Variants in RAPGEF4 observed in about 807,000 individuals in gnomAD.
RAPGEF4 encodes the protein Rap guanine nucleotide exchange factor 4.
A neutral mutation model predicts 147.9 loss-of-function variants in RAPGEF4; 66 were observed. That is an observed-to-expected ratio of 0.45 (90% CI 0.37 to 0.55). RAPGEF4 has a LOEUF of 0.55. Among genes scored for constraint, RAPGEF4 ranks in the 20% least tolerant of loss-of-function variants. RAPGEF4 has a pLI of 0.00. For synonymous variants in RAPGEF4, 419 were observed against 442.7 expected (o/e 0.95, Z 0.67); for missense variants, 1,071 against 1,257.3 (o/e 0.85, Z 2.24).
intron 4 of RAPGEF4, among the ~76,000 whole-genome samples, chr2:172,831,000 C>A (rs1574974838): frequency 1.3e-5 from 2 of 152,046 alleles, no homozygotes; most frequent in African/African-American, 4.8e-5. Context: ...GGTTGCTGGG[C>A]AAGACTTCCA....
intron 29 of RAPGEF4, among the ~76,000 whole-genome samples, chr2:173,043,037 G>A (rs1023936314): frequency 4.6e-5 from 7 of 152,162 alleles, no homozygotes; most frequent in Non-Finnish European, 1.5e-5. Flanking sequence ...TCCTCACTGT[G>A]CCTGGCCATT....
chr2:172,864,401 C>T (rs966513726), intron 4 of RAPGEF4, among the ~76,000 whole-genome samples: 7 of 152,184 alleles, frequency 4.6e-5, no homozygotes, highest in African/African-American at 1.7e-4. Context: ...CTGGATCAGC[C>T]ACCAGGGGGT....
intron 4 of RAPGEF4, among the ~76,000 whole-genome samples, chr2:172,815,215 T>C (rs1014245854): frequency 2.6e-5 from 4 of 152,266 alleles, no homozygotes; most frequent in African/African-American, 9.6e-5. Flanking sequence ...GCTTCGCCAC[T>C]GGTCCCAGTG....
chr2:172,823,633 G>A (rs1458787240), intron 4 of RAPGEF4, among the ~76,000 whole-genome samples: 2 of 152,182 alleles, frequency 1.3e-5, no homozygotes, highest in African/African-American at 2.4e-5. Context: ...CTGGGCTGCT[G>A]TGAGAGGTTA....
At chr2:172,792,706 T>C (rs1685947572) in intron 1 of RAPGEF4, among the ~76,000 whole-genome samples, 1 of 152,224 alleles carries the variant, frequency 6.6e-6, no homozygotes, top group Non-Finnish European at 1.5e-5. Flanking sequence ...TCTACTCATG[T>C]CCTCTGAAAA....
intron 6 of RAPGEF4, among the ~76,000 whole-genome samples, chr2:172,933,107 A>G (rs1180392343): frequency 6.6e-6 from 1 of 152,126 alleles, no homozygotes; most frequent in Non-Finnish European, 1.5e-5. Flanking sequence ...GTTTTTATGT[A>G]TGCAAGCACT....
rs573596077 is a variant in RAPGEF4, at chr2:173,005,520, G to GTTTTTTTTTTTTTTTTTTTTTTTTTTTT, written c.1658+4197_1658+4198insTTTTTTTTTTTTTTTTTTTTTTTTTTTT. On this transcript the variant is annotated intron_variant, in intron 17 of 30. Coordinates refer to ENST00000397081, the MANE Select transcript of RAPGEF4 (RefSeq NM_007023.4). ...TTTGTTGTTGTTGTTGTTGTTTTGT[G>GTTTTTTTTTTTTTTTTTTTTTTTTTTTT]TTTTTTTTTTTTTTTTTTTTTGAGA... 8.1e-5 allele frequency among the ~76,000 whole-genome samples: 7 copies of GTTTTTTTTTTTTTTTTTTTTTTTTTTTT among 86,736 alleles called. 1 individual carries two copies. Among genetic ancestry groups the GTTTTTTTTTTTTTTTTTTTTTTTTTTTT allele is most frequent in the Non-Finnish European group, 1.5e-4 (7 of 47,732 alleles). The allele number at this position is 86,736 out of a possible 152,430, so 56.9% of individuals were successfully genotyped here. A position where few individuals can be genotyped will look rare whatever the true frequency, so the allele number is the denominator to read the frequency against.
chr2:172,929,917 T>C (rs1045693029), intron 6 of RAPGEF4, among the ~76,000 whole-genome samples: 1 of 152,202 alleles, frequency 6.6e-6, no homozygotes, highest in Non-Finnish European at 1.5e-5. Flanking sequence ...CCTTACTCAT[T>C]TGTTTCCTCA....
chr2:173,020,324 GC>G (rs35190971), intron 22 of RAPGEF4, among the ~76,000 whole-genome samples: 147,201 of 152,282 alleles, frequency 0.97, 71,348 homozygotes, highest in East Asian at 1. Flanking sequence ...GAGATAAATA[GC>G]CAAGTGCGGG....
intron 17 of RAPGEF4, among the ~76,000 whole-genome samples, chr2:173,002,794 G>C (rs111996396): frequency 6.6e-5 from 10 of 152,142 alleles, no homozygotes; most frequent in African/African-American, 2.2e-4. Context: ...AGCTTCAAGA[G>C]GGAGATTTGT....
chr2:172,985,631 T>C, intron 12 of RAPGEF4, 138 bp downstream of exon 12: 1 of 1,467,064 alleles, frequency 6.8e-7, no homozygotes. Context: ...CCTGTGGTAC[T>C]TTCGTTTTTC....
intron 20 of RAPGEF4, 48 bp from the exon 21 acceptor site, chr2:173,017,378 T>C (rs781054700): frequency 1.6e-4 from 243 of 1,549,512 alleles, no homozygotes; most frequent in Non-Finnish European, 1.2e-5. Context: ...GATGCTAGCA[T>C]GCATTGGTCA....
chr2:173,033,130 G>A lies in RAPGEF4; in HGVS notation c.2650-784G>A, dbSNP rs910932080. On this transcript the variant is annotated intron_variant, in intron 26 of 30. Coordinates refer to ENST00000397081, the MANE Select transcript of RAPGEF4 (RefSeq NM_007023.4). ...AGTAAGTGGTGTTGAATCATTTGCCGAAATAAAAACATGAGAAATCAGTAA... is the reference window on the plus strand; with the variant it reads ...AGTAAGTGGTGTTGAATCATTTGCCAAAATAAAAACATGAGAAATCAGTAA... 2.0e-5 allele frequency among the ~76,000 whole-genome samples: 3 copies of A among 152,122 alleles called. No homozygotes were observed. The East Asian group carries it at 5.8e-4, about 29-fold the overall frequency.
intron 1 of RAPGEF4, among the ~76,000 whole-genome samples, chr2:172,776,888 G>T (rs1684225634): frequency 1.3e-5 from 2 of 151,694 alleles, no homozygotes; most frequent in Non-Finnish European, 2.9e-5. Flanking sequence ...TTAAAGTTCT[G>T]GTTTGCTATT....
At chr2:172,928,510 C>G (rs1402910332) in intron 6 of RAPGEF4, among the ~76,000 whole-genome samples, 1 of 152,156 alleles carries the variant, frequency 6.6e-6, no homozygotes, top group African/African-American at 2.4e-5. Flanking sequence ...ACCTGCTTGC[C>G]GTGAGTTTGT....
At chr2:172,919,079 G>A (rs563641707) in intron 5 of RAPGEF4, among the ~76,000 whole-genome samples, 13 of 152,206 alleles carry the variant, frequency 8.5e-5, no homozygotes, top group African/African-American at 3.1e-4. Flanking sequence ...TTCCTCTCTT[G>A]TTCTTGCTTT....
intron 6 of RAPGEF4, among the ~76,000 whole-genome samples, chr2:172,944,447 T>C (rs991614969): frequency 2.0e-5 from 3 of 152,200 alleles, no homozygotes; most frequent in Admixed American, 1.3e-4. Context: ...TCTTATTATC[T>C]TGGGCAAGTG....
rs1695326921 is a variant in RAPGEF4, at chr2:173,014,538, TC to T, written c.1735del (p.Arg579AlafsTer37). The T allele has an allele frequency of 6.2e-7, 1 of 1,614,070 alleles. No homozygotes were observed. The highest frequency in any genetic ancestry group is 8.5e-7 in the Non-Finnish European group (1 of 1,179,950). On this transcript the variant is annotated frameshift_variant, in exon 18 of 31. Transcript: ENST00000397081. LOFTEE classifies it high-confidence loss of function. ...GCCCTCAACAATAAGAGGCGAGTCATCCGCCTGGTTCTACAGTGGGCTGCCA... is the reference window on the plus strand; with the variant it reads ...GCCCTCAACAATAAGAGGCGAGTCATCGCCTGGTTCTACAGTGGGCTGCCA... Reference protein sequence around the residue: ...DYALNNKRRVIRLVLQWAAMY... With the variant: ...DYALNNKRRVXRLVLQWAAMY...
chr2:172,917,296 G>A (rs1022010503), intron 4 of RAPGEF4, among the ~76,000 whole-genome samples: 5 of 152,208 alleles, frequency 3.3e-5, no homozygotes, highest in Non-Finnish European at 5.9e-5. Flanking sequence ...GCAGGTGTAC[G>A]ATGTAAAAGG....
Sources: allele counts gnomAD v4.1 joint callset (sites outside exome capture counted in the v4.1 genomes callset), GRCh38; gene constraint gnomAD v4.1.1; transcripts MANE v1.5; gene names NCBI Gene and HGNC (gene_info 2026-07-23, HGNC 2026-07-21).